TMEM94: variants seen among roughly 807,000 people sequenced by gnomAD.
TMEM94 encodes the protein transmembrane protein 94.
In TMEM94, 81 loss-of-function variants were observed where a neutral mutation model predicts 158.6. The ratio of observed to expected loss-of-function variants is 0.51; its 90% confidence interval spans 0.43 to 0.61. TMEM94 has a LOEUF of 0.61. TMEM94 is among the 20% of genes least tolerant of loss of function. The probability of loss-of-function intolerance (pLI) is 0.00; values close to 1 mark genes in which losing one functional copy is unlikely to be tolerated. For synonymous variants in TMEM94, 751 were observed against 730.7 expected, an observed-to-expected ratio of 1.03 and a Z score of -0.45; for missense variants, 1,435 against 1,762.0, an observed-to-expected ratio of 0.81 and a Z score of 3.32.
In TMEM94 at chr17:75,492,197, C is replaced by T; in HGVS notation, c.1597-277C>T. On this transcript the variant is annotated intron_variant, in intron 14 of 31. Coordinates refer to ENST00000314256, the MANE Select transcript of TMEM94 (RefSeq NM_014738.6). This position sits in a 1 kb window ranked among gnomAD's most constrained non-coding sequence, Gnocchi z 4.4. ...AGATGTTCCCTGGCCACAGAAGATC[C>T]CTCAACTGTGTCCTCTTTGGTCTGG... The T allele has an allele frequency of 7.6e-7, 1 of 1,314,394 alleles. No homozygotes were observed. The highest frequency in any genetic ancestry group is 1.0e-6 in the Non-Finnish European group (1 of 994,352). 81.4% of individuals were successfully genotyped at this position (1,314,394 alleles called of 1,614,324 possible). A position where few individuals can be genotyped will look rare whatever the true frequency, so the allele number is the denominator to read the frequency against.
Position 75,496,746 on chromosome 17 carries a change from A to C in TMEM94, c.3260A>C (p.Tyr1087Ser). Residue 1087 changes from tyrosine (Y) to serine (S), a missense_variant, in exon 25 of 32, where the codon TAT becomes TCT. Transcript: ENST00000314256. ...RLIEQARHAT[Y>S]GIRKCFLFLL... ...GGTCCCTAGGCTCGGCATGCCACCT[A>C]TGGCATCCGTAAGTGCTTCCTCTTC... The C allele has an allele frequency of 6.2e-7, 1 of 1,613,732 alleles. No homozygotes were observed. Among genetic ancestry groups the C allele is most frequent in the Non-Finnish European group, 8.5e-7 (1 of 1,179,906 alleles).
Position 75,498,111 on chromosome 17 carries a change from A to G in TMEM94, c.3490-64A>G. 2 of 1,596,886 alleles carry G rather than the reference A, an allele frequency of 1.3e-6. No individual in the cohort carries two copies. Among genetic ancestry groups the G allele is most frequent in the South Asian group, 2.2e-5 (2 of 90,018 alleles). On this transcript the variant is annotated intron_variant, in intron 27 of 31. Transcript: ENST00000314256. This position sits in a 1 kb window ranked among gnomAD's most constrained non-coding sequence, Gnocchi z 6.7. ...TACTAAGAGCCCGTTGAATACGTGG[A>G]AGAGCTAGGAGCAGCCGGCAGAGGG...
intron 1 of TMEM94, among the ~76,000 whole-genome samples, chr17:75,465,394 T>C (rs1187314544): frequency 6.6e-6 from 1 of 151,958 alleles, no homozygotes; most frequent in African/African-American, 2.4e-5. Context: ...TGTTTATATA[T>C]CTTGTGAAAT....
At chr17:75,457,959 C>T (rs2049945165) in intron 1 of TMEM94, among the ~76,000 whole-genome samples, 1 of 152,140 alleles carries the variant, frequency 6.6e-6, no homozygotes, top group Non-Finnish European at 1.5e-5. Flanking sequence ...GTAGGATCCT[C>T]CTATGCTTCC....
chr17:75,492,555 C>G lies in TMEM94; in HGVS notation c.1678C>G (p.Gln560Glu), dbSNP rs768585722. 6.2e-7 allele frequency: 1 copy of G among 1,614,004 alleles called. No homozygotes were observed. The highest frequency in any genetic ancestry group is 1.7e-5 in the Admixed American group (1 of 60,014). Residue 560 changes from glutamine (Q) to glutamate (E), a missense_variant, in exon 15 of 32, where the codon CAG (glutamine) becomes GAG (glutamate). By Grantham distance (29) the Gln-to-Glu change is conservative. Around this residue, in one of 3 missense-constraint regions of TMEM94, gnomAD observed 1,051 missense variants for 1,254.4 expected, o/e 0.84. Coordinates refer to ENST00000314256, the MANE Select transcript of TMEM94 (RefSeq NM_014738.6). This position sits in a 1 kb window ranked among gnomAD's most constrained non-coding sequence, Gnocchi z 4.4. ...DYHLEMLSLS[Q>E]DQQNPSCIQF... is the part of the protein sequence containing the mutation. ...CCACCTGGAGATGCTGAGCCTGTCC[C>G]AGGACCAGCAGAACCCCTCCTGCAT... is the stretch of plus-strand genomic sequence containing the variant.
At chr17:75,486,825 G>T (rs2051660578) in intron 5 of TMEM94, among the ~76,000 whole-genome samples, 1 of 152,200 alleles carries the variant, frequency 6.6e-6, no homozygotes, top group Admixed American at 6.5e-5. Flanking sequence ...TTGGGGTGGG[G>T]TAGGGGCCGG....
chr17:75,467,691 C>T (rs999559719), intron 1 of TMEM94, among the ~76,000 whole-genome samples: 4 of 151,188 alleles, frequency 2.6e-5, no homozygotes, highest in Non-Finnish European at 5.9e-5. Flanking sequence ...CGCCACCGCG[C>T]CCGGCTAATT....
intron 25 of TMEM94, 120 bp downstream of exon 25, chr17:75,496,927 C>A: frequency 8.6e-7 from 1 of 1,168,464 alleles, no homozygotes; most frequent in South Asian, 1.3e-5. Context: ...CCCCCCAGAG[C>A]CTCTGTGAAG....
In TMEM94 at chr17:75,489,186, CAG is replaced by C. The variant is rs1272200511; in HGVS notation, c.765-75_765-74del. 9 of 1,348,528 alleles carry C rather than the reference CAG, an allele frequency of 6.7e-6. No individual in the cohort carries two copies. The highest frequency in any genetic ancestry group is 1.1e-6 in the Non-Finnish European group (1 of 946,690). 83.5% of individuals were successfully genotyped at this position (1,348,528 alleles called of 1,614,324 possible). ...CGGTGCTTGAAGAAGCGGTATCTGG[CAG>C]AGAGGCCCAGAATCCTCCCAAGGTG... On this transcript the variant is annotated intron_variant, in intron 7 of 31. Transcript: ENST00000314256. This position sits in a 1 kb window ranked among gnomAD's most constrained non-coding sequence, Gnocchi z 5.0.
rs755045323 is a variant in TMEM94 at position 75,487,920 on chromosome 17, C to T, written c.410-12C>T. ...GCTGAGAGGGTTGTTTCCCTCTTTCCATTCCCCTCAGATGCCCTCAGGGAT... is the reference window on the plus strand; with the variant it reads ...GCTGAGAGGGTTGTTTCCCTCTTTCTATTCCCCTCAGATGCCCTCAGGGAT... On this transcript the variant is annotated splice_polypyrimidine_tract_variant and intron_variant, in intron 5 of 31. Transcript: ENST00000314256. The surrounding 1 kb of genome is among the most constrained non-coding windows in gnomAD (Gnocchi z 4.6). 6.2e-7 allele frequency: 1 copy of T among 1,610,814 alleles called. No individual in the cohort carries two copies. Among genetic ancestry groups the T allele is most frequent in the South Asian group, 1.1e-5 (1 of 90,986 alleles).
intron 10 of TMEM94, 80 bp from the exon 11 acceptor site, chr17:75,490,622 G>C (rs1018051721): frequency 1.5e-6 from 2 of 1,324,984 alleles, no homozygotes; most frequent in Non-Finnish European, 2.2e-6. Flanking sequence ...GCTGGTGTGG[G>C]CCCCCCCTCT....
In TMEM94 at chr17:75,489,336, G is replaced by T; in HGVS notation, c.835G>T (p.Val279Leu). 1.2e-6 allele frequency: 2 copies of T among 1,614,230 alleles called. No homozygotes were observed. The highest frequency in any genetic ancestry group is 1.7e-6 in the Non-Finnish European group (2 of 1,180,040). Residue 279 changes from valine to leucine, a missense_variant, in exon 8 of 32, where the codon GTG becomes TTG. Transcript: ENST00000314256. This position sits in a 1 kb window ranked among gnomAD's most constrained non-coding sequence, Gnocchi z 5.0. ...CAATGAGCGGTTCACAGTGCAGTCG[G>T]TGATGCTACACTATGCTGTGCCCGT... ...LDNERFTVQS[V>L]MLHYAVPVVL...
intron 2 of TMEM94, among the ~76,000 whole-genome samples, chr17:75,479,766 A>G (rs1262066964): frequency 2.0e-5 from 3 of 152,174 alleles, no homozygotes. Context: ...AAAAATACAA[A>G]AAATTAGCTG....
chr17:75,471,748 A>T, intron 1 of TMEM94, 52 bp from the exon 2 acceptor site: 1 of 679,620 alleles, frequency 1.5e-6, no homozygotes, highest in Non-Finnish European at 2.6e-6. Flanking sequence ...TGTGTTTCAC[A>T]GTAGCTGCCT....
At position 75,494,557 on chromosome 17, in the gene TMEM94, C is replaced by G. The variant is rs1484917732; in HGVS notation, c.2408-70C>G. ...ATGCTCATTGATTTGGGTGTGGCATCTGTGTGTGTGGCCCTGGGCTGGTTC... is the reference window on the plus strand; with the variant it reads ...ATGCTCATTGATTTGGGTGTGGCATGTGTGTGTGTGGCCCTGGGCTGGTTC... On this transcript the variant is annotated intron_variant, in intron 18 of 31. Coordinates refer to ENST00000314256, the MANE Select transcript of TMEM94 (RefSeq NM_014738.6). The G allele has an allele frequency of 3.3e-5, 50 of 1,504,368 alleles. No homozygotes were observed. The South Asian group carries it at 4.0e-4, about 12-fold the overall frequency. The allele number at this position is 1,504,368 out of a possible 1,614,324, so 93.2% of individuals were successfully genotyped here. A position where few individuals can be genotyped will look rare whatever the true frequency, so the allele number is the denominator to read the frequency against.
rs369939598 is a variant in TMEM94 at position 75,495,430 on chromosome 17, C to T, written c.2844+31C>T. On this transcript the variant is annotated intron_variant, in intron 21 of 31. Transcript: ENST00000314256. This position sits in a 1 kb window ranked among gnomAD's most constrained non-coding sequence, Gnocchi z 5.6. Reference sequence around the variant, plus strand: ...ATGGCAGGATCTGTCTCACGTGTTCCTGTAGTGGTCCCATAGCTGGTCCAG... The same window carrying T: ...ATGGCAGGATCTGTCTCACGTGTTCTTGTAGTGGTCCCATAGCTGGTCCAG... 10 of 1,599,888 alleles carry T rather than the reference C, an allele frequency of 6.3e-6. No individual in the cohort carries two copies. In the African/African-American group the frequency reaches 1.3e-4, roughly 21 times the overall value.
chr17:75,479,383 A>G lies in TMEM94; in HGVS notation c.25-6045A>G, dbSNP rs370191705. On this transcript the variant is annotated intron_variant, in intron 2 of 31. Coordinates refer to ENST00000314256, the MANE Select transcript of TMEM94 (RefSeq NM_014738.6). ...TGCCGAAGCTGGAGTACAGTGGCGC[A>G]ATCTCGGCTCACTGCAACCGCCGCC... 4.3e-4 allele frequency among the ~76,000 whole-genome samples: 65 copies of G among 152,146 alleles called. No homozygotes were observed. In the South Asian group the frequency reaches 8.9e-3, roughly 21 times the overall value.
chr17:75,466,667 A>T (rs2050317798), intron 1 of TMEM94, among the ~76,000 whole-genome samples: 1 of 151,920 alleles, frequency 6.6e-6, no homozygotes, highest in African/African-American at 2.4e-5. Flanking sequence ...AAATGCAAAA[A>T]ATTAGCCGGC....
At chr17:75,490,063 G>A in intron 9 of TMEM94, 171 bp from the exon 10 acceptor site, 2 of 924,504 alleles carry the variant, frequency 2.2e-6, no homozygotes, top group Non-Finnish European at 3.1e-6. Flanking sequence ...TGGCGACGGA[G>A]CAAGACTCCG....
Sources: allele counts gnomAD v4.1 joint callset (sites outside exome capture counted in the v4.1 genomes callset), GRCh38; gene constraint gnomAD v4.1.1; regional missense constraint gnomAD v4.1.1; non-coding constraint Gnocchi (gnomAD v3.1); transcripts MANE v1.5; gene names NCBI Gene and HGNC (gene_info 2026-07-23, HGNC 2026-07-21).